Variants in ZNF521 observed in about 807,000 individuals in gnomAD.
ZNF521 encodes zinc finger protein 521, also known as LYST-interacting protein 3.
In ZNF521, 14 loss-of-function variants were observed where a neutral mutation model predicts 105.5. The observed-to-expected ratio is 0.13, with a 90% confidence interval of 0.09 to 0.21. ZNF521 has a LOEUF of 0.21. Among genes scored for constraint, ZNF521 ranks in the 10% least tolerant of loss-of-function variants. The pLI, the probability that ZNF521 is intolerant of heterozygous loss-of-function variation, is 1.00. For synonymous variants in ZNF521, 635 were observed against 606.0 expected (o/e 1.05, Z -0.70); for missense variants, 1,233 against 1,629.7 (o/e 0.76, Z 4.19).
chr18:25,198,944 G>A (rs535784903), intron 4 of ZNF521, among the ~76,000 whole-genome samples: 1 of 152,028 alleles, frequency 6.6e-6, no homozygotes, highest in African/African-American at 2.4e-5. Flanking sequence ...ACATTTAGCT[G>A]ATGGTAATTA....
At chr18:25,162,251 G>T (rs1370942458) in intron 5 of ZNF521, among the ~76,000 whole-genome samples, 1 of 151,972 alleles carries the variant, frequency 6.6e-6, no homozygotes, top group Non-Finnish European at 1.5e-5. Context: ...TCATACATGA[G>T]AATAACTATC....
At chr18:25,235,308 A>C (rs772162847) in intron 3 of ZNF521, among the ~76,000 whole-genome samples, 3 of 152,234 alleles carry the variant, frequency 2.0e-5, no homozygotes, top group Admixed American at 1.3e-4. Context: ...CACTTTTTAA[A>C]AATACTCAGT....
In ZNF521 at chr18:25,156,186, T is replaced by C. The variant is rs144864937; in HGVS notation, c.3658+38974A>G. Among the ~76,000 whole-genome samples the C allele has an allele frequency of 5.0e-3, 768 of 152,336 alleles. 7 individuals are homozygous for C. The highest frequency in any genetic ancestry group is 0.018 in the African/African-American group (740 of 41,568). ...TCCCATTATTATAACTATTTTACTA[T>C]ATGTATTTATCTTGTAACATCATGT... On this transcript the variant is annotated intron_variant, in intron 5 of 7. Coordinates refer to ENST00000361524, the MANE Select transcript of ZNF521 (RefSeq NM_015461.3).
At chr18:25,170,164 A>G (rs1366703791) in intron 5 of ZNF521, among the ~76,000 whole-genome samples, 1 of 151,828 alleles carries the variant, frequency 6.6e-6, no homozygotes, top group East Asian at 1.9e-4. Context: ...TTTAAGCACA[A>G]CCACCAAAGG....
In ZNF521 at chr18:25,225,065, G is replaced by A. The variant is rs759363190; in HGVS notation, c.2853C>T (p.Thr951=). ...SENGLREHMQ[T]HLGPVKHYMC... is the part of the protein sequence containing the mutation. ...TGTAGTGTTTGACAGGGCCTAGGTG[G>A]GTCTGCATATGTTCCCGGAGGCCAT... Residue 951 remains threonine (T), a synonymous_variant, in exon 4 of 8, where the codon ACC becomes ACT. Transcript: ENST00000361524. This position sits in a 1 kb window ranked among gnomAD's most constrained non-coding sequence, Gnocchi z 5.6. The A allele has an allele frequency of 6.2e-7, 1 of 1,614,142 alleles. No individual in the cohort carries two copies. The highest frequency in any genetic ancestry group is 8.5e-7 in the Non-Finnish European group (1 of 1,180,020).
At chr18:25,217,222 G>A (rs1183376034) in intron 4 of ZNF521, among the ~76,000 whole-genome samples, 1 of 152,220 alleles carries the variant, frequency 6.6e-6, no homozygotes, top group East Asian at 1.9e-4. Flanking sequence ...TGGACTGGAA[G>A]TAGGCAGAAG....
chr18:25,235,079 A>G (rs994722430), intron 3 of ZNF521, among the ~76,000 whole-genome samples: 1 of 152,188 alleles, frequency 6.6e-6, no homozygotes, highest in Non-Finnish European at 1.5e-5. Context: ...GTTAATAGCT[A>G]CACACACTGG....
chr18:25,269,255 T>C (rs1401664284), intron 3 of ZNF521, among the ~76,000 whole-genome samples: 2 of 152,104 alleles, frequency 1.3e-5, no homozygotes, highest in South Asian at 2.1e-4. Context: ...GAAATAAATA[T>C]GCACCCAACA....
At chr18:25,284,266 C>T (rs1216525000) in intron 3 of ZNF521, among the ~76,000 whole-genome samples, 1 of 152,140 alleles carries the variant, frequency 6.6e-6, no homozygotes, top group Non-Finnish European at 1.5e-5. Flanking sequence ...ATGACACTCC[C>T]ACCCTTGCCC....
intron 5 of ZNF521, among the ~76,000 whole-genome samples, chr18:25,102,284 A>G (rs562777056): frequency 6.6e-6 from 1 of 152,270 alleles, no homozygotes. Context: ...ATTAAAAGAC[A>G]TTCTAATAAA....
At chr18:25,169,586 C>T (rs114397529) in intron 5 of ZNF521, among the ~76,000 whole-genome samples, 1 of 152,078 alleles carries the variant, frequency 6.6e-6, no homozygotes, top group Non-Finnish European at 1.5e-5. Flanking sequence ...CATCCCTTTA[C>T]TTTATAAATA....
intron 7 of ZNF521, 26 bp from the exon 8 acceptor site, chr18:25,062,767 A>C (rs1182074906): frequency 1.4e-6 from 2 of 1,455,384 alleles, no homozygotes; most frequent in East Asian, 6.7e-5. Flanking sequence ...AAAAAAAAAA[A>C]AAAAAAAAAA....
chr18:25,349,906 C>T (rs1914646991), intron 2 of ZNF521, among the ~76,000 whole-genome samples: 1 of 151,186 alleles, frequency 6.6e-6, no homozygotes, highest in Non-Finnish European at 1.5e-5. Flanking sequence ...CCGCGCGCCC[C>T]TCCTCCGGCC....
intron 2 of ZNF521, among the ~76,000 whole-genome samples, chr18:25,347,000 C>CA (rs201837955): frequency 2.7e-5 from 4 of 150,616 alleles, no homozygotes; most frequent in African/African-American, 7.3e-5. Context: ...GAGTAAATTT[C>CA]AAAAAAAAAT....
rs776202266 is a variant in ZNF521, at chr18:25,225,605, C to T, written c.2313G>A (p.Val771=). 5 of 1,614,058 alleles carry T rather than the reference C, an allele frequency of 3.1e-6. No individual in the cohort carries two copies. Among genetic ancestry groups the T allele is most frequent in the Non-Finnish European group, 4.2e-6 (5 of 1,180,040 alleles). Residue 771 remains valine (V), a synonymous_variant, in exon 4 of 8, where the codon GTG becomes GTA. Transcript: ENST00000361524. The surrounding 1 kb of genome is among the most constrained non-coding windows in gnomAD (Gnocchi z 5.6). The part of the protein sequence containing the change: ...FRNETDLQLH[V]KHNHLENQGK... ...CTTGGTTTTCCAGGTGGTTGTGTTTCACATGGAGCTGCAAGTCAGTTTCGT... is the reference window on the plus strand; with the variant it reads ...CTTGGTTTTCCAGGTGGTTGTGTTTTACATGGAGCTGCAAGTCAGTTTCGT...
intron 4 of ZNF521, among the ~76,000 whole-genome samples, chr18:25,204,619 T>C (rs1600151480): frequency 6.6e-6 from 1 of 152,204 alleles, no homozygotes; most frequent in Non-Finnish European, 1.5e-5. Flanking sequence ...AAGTTCAAAA[T>C]TGTCTCCTAA....
At chr18:25,336,433 A>G (rs1913885496) in intron 2 of ZNF521, among the ~76,000 whole-genome samples, 1 of 152,192 alleles carries the variant, frequency 6.6e-6, no homozygotes, top group South Asian at 2.1e-4. Context: ...CAATTAGACT[A>G]CCTTTGTAAA....
At chr18:25,343,013 C>T (rs1914291996) in intron 2 of ZNF521, among the ~76,000 whole-genome samples, 1 of 152,178 alleles carries the variant, frequency 6.6e-6, no homozygotes, top group African/African-American at 2.4e-5. Flanking sequence ...TTCCAGGTCA[C>T]AGAAACTCCT....
intron 3 of ZNF521, among the ~76,000 whole-genome samples, chr18:25,309,886 AAT>A (rs1417715410): frequency 1.3e-5 from 2 of 152,220 alleles, no homozygotes; most frequent in African/African-American, 2.4e-5. Flanking sequence ...CAACCAAAAA[AAT>A]ATATCTTAGT....
Sources: gnomAD v4.1 joint callset for allele counts (sites outside exome capture counted in the v4.1 genomes callset) on GRCh38, gnomAD v4.1.1 for gene constraint, Gnocchi (gnomAD v3.1) non-coding constraint, MANE v1.5 for transcripts, NCBI Gene and HGNC (gene_info 2026-07-23, HGNC 2026-07-21) for gene names.